Variants in ARPC2 observed in about 807,000 individuals in gnomAD.
ARPC2 encodes actin-related protein 2/3 complex subunit 2.
ARPC2 carries 4 observed loss-of-function variants against 38.6 expected under a neutral mutation model. That is an observed-to-expected ratio of 0.10 (90% CI 0.05 to 0.24). ARPC2 has a LOEUF of 0.24. Ranked by LOEUF, ARPC2 falls within the 10% of genes least tolerant of loss-of-function variation. The probability of loss-of-function intolerance (pLI) is 1.00; values close to 1 mark genes in which losing one functional copy is unlikely to be tolerated. For synonymous variants in ARPC2, 125 were observed against 140.8 expected (o/e 0.89, Z 0.79); for missense variants, 229 against 387.3 (o/e 0.59, Z 3.43).
intron 7 of ARPC2, among the ~76,000 whole-genome samples, chr2:218,244,665 G>A (rs1412520073): frequency 6.6e-6 from 1 of 152,256 alleles, no homozygotes; most frequent in African/African-American, 2.4e-5. Context: ...GGTATTAGGA[G>A]GCAGTATTTG....
chr2:218,219,032 G>A (rs1689324830), intron 2 of ARPC2, among the ~76,000 whole-genome samples: 1 of 152,184 alleles, frequency 6.6e-6, no homozygotes, highest in African/African-American at 2.4e-5. Flanking sequence ...CACATAGGAG[G>A]AAGTTGAATT....
intron 8 of ARPC2, among the ~76,000 whole-genome samples, chr2:218,248,034 C>G (rs1286308802): frequency 6.6e-6 from 1 of 151,926 alleles, no homozygotes; most frequent in Non-Finnish European, 1.5e-5. Context: ...CTCACTTCAG[C>G]CTCCCAAAGT....
intron 6 of ARPC2, 143 bp downstream of exon 6, chr2:218,238,993 G>A: frequency 1.5e-6 from 1 of 684,624 alleles, no homozygotes; most frequent in Non-Finnish European, 2.4e-6. Flanking sequence ...CCAGGAAGTA[G>A]ATGATAGGGC....
intron 8 of ARPC2, among the ~76,000 whole-genome samples, chr2:218,246,720 C>T (rs145202282): frequency 3.3e-5 from 5 of 151,936 alleles, no homozygotes; most frequent in Admixed American, 2.6e-4. Context: ...CCTGTAATCC[C>T]AGCACTTTAA....
chr2:218,250,011 T>G, intron 10 of ARPC2, 90 bp downstream of exon 10: 1 of 1,133,448 alleles, frequency 8.8e-7, no homozygotes, highest in Non-Finnish European at 1.3e-6. Context: ...CCTCCATGTA[T>G]CTGGGCACTG....
intron 5 of ARPC2, chr2:218,234,618 T>G: frequency 3.5e-6 from 2 of 563,976 alleles, no homozygotes; most frequent in African/African-American, 1.9e-5. Flanking sequence ...TGTGACATTT[T>G]TAACATTTAC....
chr2:218,227,344 T>C (rs987091042), intron 3 of ARPC2, among the ~76,000 whole-genome samples: 1 of 152,252 alleles, frequency 6.6e-6, no homozygotes, highest in African/African-American at 2.4e-5. Context: ...GTGTGGATAT[T>C]GTTTGCATCT....
chr2:218,236,620 C>T (rs756475173), intron 5 of ARPC2: 1 of 152,060 alleles, frequency 6.6e-6, no homozygotes, highest in East Asian at 1.9e-4. Context: ...TGGAGAAACC[C>T]CGTCTCTACT....
rs373428220 is a variant in ARPC2, at chr2:218,238,702, C to A, written c.307C>A (p.Pro103Thr). The stretch of plus-strand genomic sequence containing the variant: ...TTTGCTATATGACCTTGAAAATCTT[C>A]CGGCATCCAAGGATTCCATTGTGCA... ...VSLLYDLENLPASKDSIVHQA... is the reference protein window; with the variant it reads ...VSLLYDLENLTASKDSIVHQA... The change falls in exon 6 of 11, where the codon CCG becomes ACG. Residue 103 changes from proline (P) to threonine (T), a missense_variant. Physicochemically the swap from Pro to Thr is conservative, Grantham distance 38. Transcript: ENST00000315717. The A allele has an allele frequency of 2.2e-5, 36 of 1,609,540 alleles. No individual in the cohort carries two copies. The highest frequency in any genetic ancestry group is 3.0e-5 in the Non-Finnish European group (35 of 1,178,400).
At chr2:218,249,732 C>A in intron 9 of ARPC2, 89 bp from the exon 10 acceptor site, 1 of 1,295,316 alleles carries the variant, frequency 7.7e-7, no homozygotes, top group Non-Finnish European at 1.1e-6. Context: ...ATGTTCCCAA[C>A]CGCCCTTGAT....
At chr2:218,228,673 A>C in intron 3 of ARPC2, 65 bp from the exon 4 acceptor site, 1 of 956,302 alleles carries the variant, frequency 1.0e-6, no homozygotes, top group African/African-American at 1.6e-5. Context: ...ACGGCAAGGT[A>C]GGCGCTTGGA....
chr2:218,223,192 C>G (rs1689423140), intron 2 of ARPC2, among the ~76,000 whole-genome samples: 1 of 152,156 alleles, frequency 6.6e-6, no homozygotes, highest in African/African-American at 2.4e-5. Flanking sequence ...AATAAACAAT[C>G]CATTAATTTT....
chr2:218,241,606 G>T (rs1689918300), intron 7 of ARPC2, among the ~76,000 whole-genome samples: 1 of 152,212 alleles, frequency 6.6e-6, no homozygotes, highest in Non-Finnish European at 1.5e-5. Context: ...TTTATTCCAG[G>T]AAACAACTTA....
intron 3 of ARPC2, 83 bp from the exon 4 acceptor site, chr2:218,228,655 T>A: frequency 1.3e-6 from 1 of 768,352 alleles, no homozygotes; most frequent in Non-Finnish European, 2.2e-6. Flanking sequence ...TGGTCTTCCT[T>A]GTGGCCTACG....
intron 10 of ARPC2, among the ~76,000 whole-genome samples, chr2:218,251,493 G>T (rs1434406679): frequency 6.6e-6 from 1 of 151,884 alleles, no homozygotes; most frequent in Non-Finnish European, 1.5e-5. Context: ...ATTAAGGAGT[G>T]AGCCACCGCG....
At chr2:218,217,688 G>T in intron 2 of ARPC2, 144 bp downstream of exon 2, 1 of 888,240 alleles carries the variant, frequency 1.1e-6, no homozygotes, top group South Asian at 1.6e-5. Context: ...GGGTAGACGT[G>T]GGAGGCGATT....
intron 2 of ARPC2, among the ~76,000 whole-genome samples, chr2:218,222,005 C>T (rs1370803458): frequency 6.6e-6 from 1 of 152,144 alleles, no homozygotes; most frequent in Non-Finnish European, 1.5e-5. Flanking sequence ...CCCTGGCTCA[C>T]GCCTGTAATC....
chr2:218,244,628 C>T (rs1351424309), intron 7 of ARPC2, among the ~76,000 whole-genome samples: 1 of 152,240 alleles, frequency 6.6e-6, no homozygotes, highest in Non-Finnish European at 1.5e-5. Context: ...AGCAAGAGAG[C>T]AGTACCTGCC....
chr2:218,241,756 A>C (rs907948147), intron 7 of ARPC2, among the ~76,000 whole-genome samples: 1 of 152,252 alleles, frequency 6.6e-6, no homozygotes, highest in African/African-American at 2.4e-5. Context: ...CCTAAAAGGA[A>C]AGACAAAGCC....
Sources: allele counts gnomAD v4.1 joint callset (sites outside exome capture counted in the v4.1 genomes callset), GRCh38; gene constraint gnomAD v4.1.1; transcripts MANE v1.5; gene names NCBI Gene and HGNC (gene_info 2026-07-23, HGNC 2026-07-21).